Variants in RABGAP1 observed in about 807,000 individuals in gnomAD.
RABGAP1 encodes rab GTPase-activating protein 1.
In RABGAP1, 23 loss-of-function variants were observed where a neutral mutation model predicts 137.6. The observed-to-expected ratio is 0.17, with a 90% CI of 0.12 to 0.24. The LOEUF (loss-of-function observed/expected upper bound fraction) is 0.24. Ranked by LOEUF, RABGAP1 falls within the 10% of genes least tolerant of loss-of-function variation. The pLI is 1.00. For synonymous variants in RABGAP1, 451 were observed against 450.7 expected (o/e 1.00, Z -0.01); for missense variants, 906 against 1,275.8 (o/e 0.71, Z 4.42).
intron 12 of RABGAP1, among the ~76,000 whole-genome samples, chr9:123,016,912 CTT>C (rs1216980793): frequency 6.6e-6 from 1 of 152,194 alleles, no homozygotes; most frequent in African/African-American, 2.4e-5. Flanking sequence ...ATGCTTTACA[CTT>C]TTGACAAAAC....
At chr9:122,999,633 G>T (rs1158117515) in intron 10 of RABGAP1, among the ~76,000 whole-genome samples, 1 of 151,800 alleles carries the variant, frequency 6.6e-6, no homozygotes, top group East Asian at 1.9e-4. Context: ...GATTAGGTAC[G>T]GTTTTCTTTC....
At chr9:123,061,992 C>T (rs1256773375) in intron 13 of RABGAP1, 4 of 152,138 alleles carry the variant, frequency 2.6e-5, no homozygotes, top group Admixed American at 6.6e-5. Context: ...GGAATATGGC[C>T]GGGTGTGGTA....
intron 2 of RABGAP1, among the ~76,000 whole-genome samples, chr9:122,983,166 CAAA>C (rs59686226): frequency 1.2e-5 from 1 of 83,938 alleles, no homozygotes. Context: ...CTGCGCCCAG[CAAA>C]AAAAAAAAAA....
At chr9:123,033,063 T>A (rs75767609) in intron 13 of RABGAP1, among the ~76,000 whole-genome samples, 2,619 of 152,288 alleles carry the variant, frequency 0.017, 86 homozygotes, top group African/African-American at 0.06. Context: ...GTATTCAGAA[T>A]GGGAGATACT....
intron 13 of RABGAP1, among the ~76,000 whole-genome samples, chr9:123,027,621 G>A (rs2032054054): frequency 2.0e-5 from 3 of 152,178 alleles, no homozygotes. Context: ...AACAATAAAA[G>A]GAGATCGATT....
At chr9:123,051,865 C>T (rs1191357382) in intron 13 of RABGAP1, among the ~76,000 whole-genome samples, 2 of 151,512 alleles carry the variant, frequency 1.3e-5, no homozygotes, top group African/African-American at 4.8e-5. Flanking sequence ...AGTCTTGGCT[C>T]ACTGCAAGCT....
intron 2 of RABGAP1, among the ~76,000 whole-genome samples, chr9:122,959,351 G>C (rs918973990): frequency 8.9e-6 from 1 of 112,826 alleles, no homozygotes; most frequent in Non-Finnish European, 1.7e-5. Flanking sequence ...TTAATAGAAA[G>C]TGTGGGGCTT....
At position 123,104,180 on chromosome 9, in the gene RABGAP1, C is replaced by T. The variant is rs2035433559; in HGVS notation, c.*967C>T. The T allele has an allele frequency of 6.6e-6, 1 of 152,604 alleles. No individual in the cohort carries two copies. The highest frequency in any genetic ancestry group is 2.1e-4 in the South Asian group (1 of 4,822). 9.5% of individuals were successfully genotyped at this position (152,604 alleles called of 1,614,324 possible). A position where few individuals can be genotyped will look rare whatever the true frequency, so the allele number is the denominator to read the frequency against. On this transcript the variant is annotated 3_prime_UTR_variant, in exon 26 of 26. Transcript: ENST00000373647. ...GGGAGCTGTGGACAGAGCTCCCTCACTTCAAGATTCCTAGTGTTTTTGCAC... is the reference window on the plus strand; with the variant it reads ...GGGAGCTGTGGACAGAGCTCCCTCATTTCAAGATTCCTAGTGTTTTTGCAC...
At chr9:123,050,063 A>G (rs1341563982) in intron 13 of RABGAP1, among the ~76,000 whole-genome samples, 2 of 152,206 alleles carry the variant, frequency 1.3e-5, no homozygotes, top group African/African-American at 2.4e-5. Context: ...TAGAGCACCT[A>G]AAGTCCATCG....
intron 13 of RABGAP1, chr9:123,063,004 G>T (rs2034037568): frequency 6.6e-6 from 1 of 152,106 alleles, no homozygotes. Context: ...TGCCAGGCTG[G>T]TCTCAAACTC....
intron 9 of RABGAP1, among the ~76,000 whole-genome samples, chr9:122,997,614 T>C (rs1837099531): frequency 6.6e-6 from 1 of 152,024 alleles, no homozygotes; most frequent in Non-Finnish European, 1.5e-5. Context: ...GCTTATTTAC[T>C]TACAGACTTA....
intron 22 of RABGAP1, among the ~76,000 whole-genome samples, chr9:123,098,175 C>G (rs1200476999): frequency 6.6e-6 from 1 of 152,234 alleles, no homozygotes; most frequent in South Asian, 2.1e-4. Flanking sequence ...CCTCTGCTGT[C>G]TCCCTCATAG....
At position 122,958,969 on chromosome 9, in the gene RABGAP1, A is replaced by C. The variant is rs77952431; in HGVS notation, c.150+1760A>C. On this transcript the variant is annotated intron_variant, in intron 2 of 25. Coordinates refer to ENST00000373647, the MANE Select transcript of RABGAP1 (RefSeq NM_012197.4). ...GGCTGCAGTGAACCATGATCACACC[A>C]CTGTACTTCAGCCCGGGTGACAGAG... 1.5e-4 allele frequency among the ~76,000 whole-genome samples: 23 copies of C among 152,312 alleles called. No homozygotes were observed. The East Asian group carries it at 4.4e-3, about 29-fold the overall frequency.
intron 13 of RABGAP1, among the ~76,000 whole-genome samples, chr9:123,023,782 T>C (rs1027033016): frequency 1.4e-4 from 21 of 152,188 alleles, no homozygotes; most frequent in African/African-American, 4.6e-4. Flanking sequence ...TATATATATA[T>C]ACACACCACT....
At chr9:123,030,069 T>G (rs2032211279) in intron 13 of RABGAP1, among the ~76,000 whole-genome samples, 1 of 152,228 alleles carries the variant, frequency 6.6e-6, no homozygotes, top group Non-Finnish European at 1.5e-5. Context: ...TTAATTTCAT[T>G]AGGTTGAACC....
chr9:122,998,954 T>G (rs915647832), intron 10 of RABGAP1, among the ~76,000 whole-genome samples, 188 bp downstream of exon 10: 2 of 152,180 alleles, frequency 1.3e-5, no homozygotes, highest in Non-Finnish European at 2.9e-5. Context: ...TTCCCAAAGA[T>G]CCACATTTCC....
intron 21 of RABGAP1, among the ~76,000 whole-genome samples, chr9:123,091,891 A>G (rs996390241): frequency 6.6e-6 from 1 of 152,006 alleles, no homozygotes; most frequent in Admixed American, 6.6e-5. Flanking sequence ...TAGAAACACT[A>G]TATGGGTCAT....
At chr9:122,989,929 A>G (rs1381001496) in intron 5 of RABGAP1, 127 bp from the exon 6 acceptor site, 1 of 1,113,632 alleles carries the variant, frequency 9.0e-7, no homozygotes, top group Non-Finnish European at 1.3e-6. Flanking sequence ...CAAATTAGGT[A>G]ATTTACCAAA....
chr9:122,953,366 A>G (rs1834352715), intron 1 of RABGAP1, among the ~76,000 whole-genome samples: 1 of 151,896 alleles, frequency 6.6e-6, no homozygotes, highest in Non-Finnish European at 1.5e-5. Flanking sequence ...ACTGAGGCTC[A>G]GTGTGACAAG....
Sources: allele counts gnomAD v4.1 joint callset (sites outside exome capture counted in the v4.1 genomes callset), GRCh38; gene constraint gnomAD v4.1.1; transcripts MANE v1.5; gene names NCBI Gene and HGNC (gene_info 2026-07-23, HGNC 2026-07-21).